Variants in WLS observed in about 807,000 individuals in gnomAD.
WLS encodes the protein Wnt ligand secretion mediator.
WLS carries 23 observed loss-of-function variants against 62.8 expected under a neutral mutation model. The ratio of observed to expected loss-of-function variants is 0.37; its 90% confidence interval spans 0.26 to 0.52. The LOEUF (loss-of-function observed/expected upper bound fraction) is 0.52. WLS is among the 20% of genes least tolerant of loss of function. WLS has a pLI of 0.92. For missense variants in WLS, 615 were observed against 697.3 expected, an observed-to-expected ratio of 0.88 and a Z score of 1.33; for synonymous variants, 246 against 244.1, an observed-to-expected ratio of 1.01 and a Z score of -0.07.
intron 11 of WLS, among the ~76,000 whole-genome samples, chr1:68,116,514 G>A (rs990294469): frequency 3.9e-5 from 6 of 152,212 alleles, no homozygotes; most frequent in East Asian, 1.9e-4. Flanking sequence ...TCCTAGCTGT[G>A]TGACCTTAGG....
intron 11 of WLS, among the ~76,000 whole-genome samples, chr1:68,106,272 G>A (rs1444717432): frequency 6.6e-6 from 1 of 152,204 alleles, no homozygotes; most frequent in Non-Finnish European, 1.5e-5. Flanking sequence ...CAATGGCCAG[G>A]AGGGGAGTTA....
At chr1:68,153,754 G>A in intron 4 of WLS, 101 bp from the exon 5 acceptor site, 3 of 1,497,146 alleles carry the variant, frequency 2.0e-6, no homozygotes, top group Non-Finnish European at 9.1e-7. Flanking sequence ...GACCTCGTCT[G>A]CGAATGTTCA....
chr1:68,171,158 G>A (rs1275309756), intron 2 of WLS, among the ~76,000 whole-genome samples: 1 of 152,010 alleles, frequency 6.6e-6, no homozygotes, highest in Admixed American at 6.6e-5. Flanking sequence ...ATATTTTTGA[G>A]CACCTACTGG....
chr1:68,109,836 C>A (rs999416002), intron 11 of WLS, among the ~76,000 whole-genome samples: 11 of 151,508 alleles, frequency 7.3e-5, no homozygotes, highest in African/African-American at 2.2e-4. Flanking sequence ...CATATAAACC[C>A]ACAAGAATGG....
chr1:68,104,738 A>T (rs962656216), intron 11 of WLS, among the ~76,000 whole-genome samples: 3 of 152,024 alleles, frequency 2.0e-5, no homozygotes, highest in African/African-American at 7.2e-5. Flanking sequence ...ACATAGGGAG[A>T]CCTCATCTCT....
At chr1:68,130,896 T>TTTG (rs1181198285) in intron 11 of WLS, among the ~76,000 whole-genome samples, 38 of 146,320 alleles carry the variant, frequency 2.6e-4, no homozygotes, top group African/African-American at 9.3e-4. Context: ...CTTCTTTTTT[T>TTTG]TTTTTTTTTT....
At chr1:68,194,631 T>C (rs1047002318) in intron 1 of WLS, among the ~76,000 whole-genome samples, 1 of 152,222 alleles carries the variant, frequency 6.6e-6, no homozygotes, top group Non-Finnish European at 1.5e-5. Context: ...ATTCGAAGCC[T>C]GGTTAAAAAC....
At chr1:68,147,537 CG>C (rs1254299052) in intron 8 of WLS, among the ~76,000 whole-genome samples, 1 of 152,154 alleles carries the variant, frequency 6.6e-6, no homozygotes, top group Non-Finnish European at 1.5e-5. Context: ...CATACTATTC[CG>C]GAAGATAAAA....
At chr1:68,163,695 G>A (rs891046213) in intron 2 of WLS, among the ~76,000 whole-genome samples, 2 of 151,568 alleles carry the variant, frequency 1.3e-5, no homozygotes, top group South Asian at 4.2e-4. Context: ...GCCACCACTA[G>A]GGTTATGAAA....
chr1:68,137,787 C>T lies in WLS; in HGVS notation c.1509G>A (p.Gln503=). The T allele has an allele frequency of 1.2e-6, 2 of 1,613,684 alleles. No individual in the cohort carries two copies. The highest frequency in any genetic ancestry group is 1.7e-6 in the Non-Finnish European group (2 of 1,179,740). The stretch of plus-strand genomic sequence containing the variant: ...AAAGAGACAGAAACTCACCATTGGA[C>T]TGGTCTTCTCCATAGTTTTTATGGG... ...APSHKNYGED[Q]SNGDLGVHSG... is the part of the protein sequence containing the mutation. The change falls in exon 11 of 12, where the codon CAG becomes CAA. Residue 503 remains glutamine (Q), a synonymous_variant. Coordinates refer to ENST00000262348, the MANE Select transcript of WLS (RefSeq NM_024911.7).
intron 1 of WLS, among the ~76,000 whole-genome samples, chr1:68,207,783 G>T (rs976155994): frequency 6.6e-6 from 1 of 152,150 alleles, no homozygotes. Context: ...AAAGGTACTC[G>T]CCTCCTAAAT....
rs565229782 is a variant in WLS at position 68,176,631 on chromosome 1, C to A, written c.379+17324G>T. Among the ~76,000 whole-genome samples, 3 of 152,288 alleles carry A rather than the reference C, an allele frequency of 2.0e-5. No homozygotes were observed. In the South Asian group the frequency reaches 6.2e-4, roughly 32 times the overall value. ...GGCCCTCTGTCTTTCAGCAGCTCAT[C>A]TTTTTTCTCTAATATGGACACTTTT... On this transcript the variant is annotated intron_variant, in intron 2 of 11. Transcript: ENST00000262348.
chr1:68,143,673 C>A (rs1557472712), intron 10 of WLS, among the ~76,000 whole-genome samples: 1 of 152,188 alleles, frequency 6.6e-6, no homozygotes, highest in African/African-American at 2.4e-5. Context: ...ATGTAGTAAG[C>A]TATACCATCT....
At chr1:68,104,129 T>C (rs1646113795) in intron 11 of WLS, among the ~76,000 whole-genome samples, 1 of 151,764 alleles carries the variant, frequency 6.6e-6, no homozygotes, top group Admixed American at 6.6e-5. Flanking sequence ...TTCCTTGATG[T>C]AGTGTTTGAT....
intron 1 of WLS, among the ~76,000 whole-genome samples, chr1:68,213,597 G>A (rs989907844): frequency 1.3e-5 from 2 of 151,980 alleles, no homozygotes; most frequent in East Asian, 1.9e-4. Flanking sequence ...GGCACCTTGA[G>A]TGAGATGAAT....
At chr1:68,222,376 C>A (rs1363113228) in intron 1 of WLS, among the ~76,000 whole-genome samples, 2 of 152,046 alleles carry the variant, frequency 1.3e-5, no homozygotes, top group African/African-American at 4.8e-5. Flanking sequence ...CTATATAATT[C>A]TGTTGTTCCA....
chr1:68,232,504 A>C lies in WLS; in HGVS notation c.-205T>G. 9.2e-7 allele frequency: 1 copy of C among 1,091,856 alleles called. No individual in the cohort carries two copies. Among genetic ancestry groups the C allele is most frequent in the Non-Finnish European group, 1.2e-6 (1 of 813,018 alleles). The allele number at this position is 1,091,856 out of a possible 1,614,324, so 67.6% of individuals were successfully genotyped here. A position where few individuals can be genotyped will look rare whatever the true frequency, so the allele number is the denominator to read the frequency against. On this transcript the variant is annotated 5_prime_UTR_variant, in exon 1 of 12. Transcript: ENST00000262348. Reference sequence around the variant, plus strand: ...GGCGCAGCCGGCTCGGGTTCCCCCAATGCCCGGAGCTGTGATTGTGGCCGC... The same window carrying C: ...GGCGCAGCCGGCTCGGGTTCCCCCACTGCCCGGAGCTGTGATTGTGGCCGC...
intron 10 of WLS, among the ~76,000 whole-genome samples, chr1:68,138,633 G>T (rs1320145857): frequency 1.3e-5 from 2 of 152,168 alleles, no homozygotes; most frequent in Admixed American, 1.3e-4. Context: ...ATGTTTTGAA[G>T]CTGCTTTTGT....
intron 2 of WLS, among the ~76,000 whole-genome samples, chr1:68,180,234 A>G (rs729884): frequency 0.91 from 138,438 of 151,470 alleles, 63,303 homozygotes; most frequent in South Asian, 0.96. Context: ...CCTTTTCATC[A>G]GCAAACAACT....
Sources: gnomAD v4.1 joint callset for allele counts (sites outside exome capture counted in the v4.1 genomes callset) on GRCh38, gnomAD v4.1.1 for gene constraint, MANE v1.5 for transcripts, NCBI Gene and HGNC (gene_info 2026-07-23, HGNC 2026-07-21) for gene names.